Variants in RELCH observed in about 807,000 individuals in gnomAD.
The protein encoded by RELCH is RAB11 binding and LisH domain, coiled-coil and HEAT repeat containing.
In RELCH, 41 loss-of-function variants were observed where a neutral mutation model predicts 150.3. The observed-to-expected ratio is 0.27, with a 90% CI of 0.21 to 0.35. RELCH has a LOEUF of 0.35. Ranked by LOEUF, RELCH falls within the 10% of genes least tolerant of loss-of-function variation. The pLI is 1.00. For synonymous variants in RELCH, 478 were observed against 531.8 expected (o/e 0.90, Z 1.39); for missense variants, 1,092 against 1,467.8 (o/e 0.74, Z 4.18).
At chr18:62,276,657 A>T (rs2044225502) in intron 22 of RELCH, among the ~76,000 whole-genome samples, 1 of 152,154 alleles carries the variant, frequency 6.6e-6, no homozygotes, top group African/African-American at 2.4e-5. Context: ...GAGATGGGGT[A>T]CTGATATATT....
intron 20 of RELCH, among the ~76,000 whole-genome samples, chr18:62,271,434 G>A (rs1372170506): frequency 1.4e-5 from 2 of 146,002 alleles, no homozygotes; most frequent in African/African-American, 5.6e-5. Flanking sequence ...TTTTTGATGG[G>A]GTTGTTTTTT....
chr18:62,207,893 TATGA>T (rs2039911328), intron 1 of RELCH, among the ~76,000 whole-genome samples: 1 of 152,242 alleles, frequency 6.6e-6, no homozygotes, highest in Non-Finnish European at 1.5e-5. Context: ...GGACATTTTA[TATGA>T]ATGGTCATAC....
chr18:62,198,649 C>T (rs1184257778), intron 1 of RELCH, among the ~76,000 whole-genome samples: 1 of 152,128 alleles, frequency 6.6e-6, no homozygotes, highest in Non-Finnish European at 1.5e-5. Flanking sequence ...TATCCTATAG[C>T]TTTAATCTCT....
At chr18:62,190,028 CA>C in intron 1 of RELCH, among the ~76,000 whole-genome samples, 1 of 152,228 alleles carries the variant, frequency 6.6e-6, no homozygotes, top group Non-Finnish European at 1.5e-5. Context: ...AACAACAGGA[CA>C]AAAAATTCAA....
chr18:62,212,592 A>G (rs1018392006), intron 2 of RELCH, among the ~76,000 whole-genome samples: 1 of 152,214 alleles, frequency 6.6e-6, no homozygotes, highest in Non-Finnish European at 1.5e-5. Context: ...TAATTCTTAT[A>G]TAACATTTGT....
intron 7 of RELCH, 36 bp from the exon 8 acceptor site, chr18:62,228,269 T>C (rs2041338239): frequency 6.5e-7 from 1 of 1,530,916 alleles, no homozygotes; most frequent in East Asian, 2.3e-5. Flanking sequence ...AATACAGTTG[T>C]CCTCTGGTGA....
chr18:62,294,405 C>T (rs1035905993), intron 27 of RELCH, among the ~76,000 whole-genome samples: 3 of 152,062 alleles, frequency 2.0e-5, no homozygotes, highest in African/African-American at 7.2e-5. Flanking sequence ...ATAAAATTAC[C>T]ATTATGTTTC....
chr18:62,297,844 T>A (rs569162116), intron 27 of RELCH, among the ~76,000 whole-genome samples: 2 of 152,280 alleles, frequency 1.3e-5, no homozygotes, highest in African/African-American at 4.8e-5. Flanking sequence ...CAGCATTTAT[T>A]CCTCCATCTC....
At chr18:62,265,779 T>C (rs959316697) in intron 18 of RELCH, among the ~76,000 whole-genome samples, 1 of 152,008 alleles carries the variant, frequency 6.6e-6, no homozygotes, top group Non-Finnish European at 1.5e-5. Flanking sequence ...TTTGCTTCAG[T>C]GTCTTTTAAT....
intron 19 of RELCH, 154 bp from the exon 20 acceptor site, chr18:62,268,715 T>A (rs17645961): frequency 0.092 from 36,347 of 395,982 alleles, 2,014 homozygotes; most frequent in South Asian, 0.18. Flanking sequence ...AGTTGTATTT[T>A]ACAACCACCA....
intron 23 of RELCH, among the ~76,000 whole-genome samples, 154 bp downstream of exon 23, chr18:62,280,010 T>C (rs1234333959): frequency 6.6e-6 from 1 of 152,228 alleles, no homozygotes; most frequent in Non-Finnish European, 1.5e-5. Context: ...CATTATTCTT[T>C]ATATATCATG....
chr18:62,220,528 A>G (rs2040798346), intron 2 of RELCH, among the ~76,000 whole-genome samples: 1 of 151,946 alleles, frequency 6.6e-6, no homozygotes, highest in African/African-American at 2.4e-5. Context: ...TAACGTCTCT[A>G]TACGTTGATT....
chr18:62,224,948 T>A (rs9956180), intron 5 of RELCH, among the ~76,000 whole-genome samples: 21,763 of 151,994 alleles, frequency 0.14, 1,847 homozygotes, highest in African/African-American at 0.24. Flanking sequence ...GGACCTAAAC[T>A]ACCTGGCTTC....
chr18:62,188,096 G>A, intron 1 of RELCH, 65 bp downstream of exon 1: 2 of 1,447,084 alleles, frequency 1.4e-6, no homozygotes, highest in Admixed American at 2.8e-5. Flanking sequence ...TACTGTAGGG[G>A]AGAGGGGGTA....
At chr18:62,285,372 G>T (rs1168708613) in intron 25 of RELCH, 2 of 152,040 alleles carry the variant, frequency 1.3e-5, no homozygotes, top group African/African-American at 4.8e-5. Flanking sequence ...TTAAATCCTT[G>T]TTCAATCTGC....
intron 2 of RELCH, among the ~76,000 whole-genome samples, chr18:62,214,341 CTT>C (rs752938030): frequency 4.6e-5 from 7 of 152,104 alleles, no homozygotes; most frequent in Non-Finnish European, 8.8e-5. Flanking sequence ...GATTGTGACT[CTT>C]TGCTTTTACT....
At chr18:62,235,179 T>G (rs1247681761) in intron 10 of RELCH, 1 of 152,186 alleles carries the variant, frequency 6.6e-6, no homozygotes, top group African/African-American at 2.4e-5. Context: ...TTTATTCTTT[T>G]CATATGGCTA....
chr18:62,189,453 T>G (rs1413977503), intron 1 of RELCH, among the ~76,000 whole-genome samples: 1 of 152,164 alleles, frequency 6.6e-6, no homozygotes, highest in African/African-American at 2.4e-5. Context: ...TTAGCCCGTT[T>G]GTATGTGATT....
intron 5 of RELCH, among the ~76,000 whole-genome samples, chr18:62,223,411 G>A (rs2041008216): frequency 6.6e-6 from 1 of 151,946 alleles, no homozygotes; most frequent in Non-Finnish European, 1.5e-5. Flanking sequence ...TATTTGAAGG[G>A]CTTTATATTT....
Sources: gnomAD v4.1 joint callset for allele counts (sites outside exome capture counted in the v4.1 genomes callset) on GRCh38, gnomAD v4.1.1 for gene constraint, MANE v1.5 for transcripts, NCBI Gene and HGNC (gene_info 2026-07-23, HGNC 2026-07-21) for gene names.